PDE4D: variants seen among roughly 807,000 people sequenced by gnomAD.
The protein encoded by PDE4D is phosphodiesterase 4D.
PDE4D carries 24 observed loss-of-function variants against 87.4 expected under a neutral mutation model. The observed-to-expected ratio is 0.27, with a 90% CI of 0.20 to 0.39. The LOEUF (loss-of-function observed/expected upper bound fraction) is 0.39, where lower values mean the gene tolerates loss of function less well. Ranked by LOEUF, PDE4D falls within the 10% of genes least tolerant of loss-of-function variation. The pLI, the probability that PDE4D is intolerant of heterozygous loss-of-function variation, is 1.00. For synonymous variants in PDE4D, 384 were observed against 383.2 expected (o/e 1.00, Z -0.02); for missense variants, 714 against 1,041.0 (o/e 0.69, Z 4.32).
intron 5 of PDE4D, among the ~76,000 whole-genome samples, chr5:59,097,361 A>C (rs555547272): frequency 6.6e-6 from 1 of 152,218 alleles, no homozygotes; most frequent in African/African-American, 2.4e-5. Context: ...AGAGAAGTAC[A>C]ATACGAAGTT....
intron 1 of PDE4D, among the ~76,000 whole-genome samples, chr5:59,613,987 T>A (rs1829336394): frequency 6.6e-6 from 1 of 152,174 alleles, no homozygotes; most frequent in African/African-American, 2.4e-5. Flanking sequence ...TTTTCTTAAT[T>A]TTTTTACAAA....
At chr5:59,858,934 C>T (rs1389834948) in intron 1 of PDE4D, among the ~76,000 whole-genome samples, 3 of 152,058 alleles carry the variant, frequency 2.0e-5, no homozygotes, top group Non-Finnish European at 4.4e-5. Flanking sequence ...AACTACTATA[C>T]GCTGGTTGAT....
chr5:59,442,184 A>C (rs1166958092), intron 1 of PDE4D, among the ~76,000 whole-genome samples: 1 of 152,212 alleles, frequency 6.6e-6, no homozygotes, highest in Non-Finnish European at 1.5e-5. Context: ...GTGAGAGAGA[A>C]GTAAAAGAAA....
rs868087864 is a variant in PDE4D, at chr5:60,241,988, G to A, written c.-89-56301C>T. ...TTTTCAGTGAAACCTTAAAGACCAG[G>A]AGAGAGTGACATGACACATTTACAG... On this transcript the variant is annotated intron_variant, in intron 1 of 16. Coordinates refer to the PDE4D transcript ENST00000502484. Among the ~76,000 whole-genome samples, 5 of 152,208 alleles carry A rather than the reference G, an allele frequency of 3.3e-5. 1 individual carries two copies. In the Middle Eastern group the frequency reaches 0.014, roughly 414 times the overall value.
chr5:60,435,689 G>A (rs1265274316), intron 1 of PDE4D, among the ~76,000 whole-genome samples: 1 of 151,958 alleles, frequency 6.6e-6, no homozygotes, highest in Non-Finnish European at 1.5e-5. Flanking sequence ...GATTCAAGAA[G>A]ATGAATGTCT....
At chr5:59,121,281 GAAAAT>G (rs1342914571) in intron 5 of PDE4D, among the ~76,000 whole-genome samples, 4 of 152,106 alleles carry the variant, frequency 2.6e-5, no homozygotes, top group African/African-American at 7.2e-5. Context: ...TTAAATGGGA[GAAAAT>G]ATTTGCAAAC....
intron 1 of PDE4D, among the ~76,000 whole-genome samples, chr5:60,263,806 C>A (rs1749894764): frequency 6.6e-6 from 1 of 152,214 alleles, no homozygotes; most frequent in South Asian, 2.1e-4. Flanking sequence ...CTGTATAAGG[C>A]ACCCTGGAAA....
intron 6 of PDE4D, chr5:58,999,673 T>G: frequency 9.0e-7 from 1 of 1,116,810 alleles, no homozygotes. Flanking sequence ...TTTTTGGTAA[T>G]TAAGTATACA....
intron 2 of PDE4D, among the ~76,000 whole-genome samples, chr5:60,086,421 G>T (rs1391098848): frequency 6.6e-6 from 1 of 152,134 alleles, no homozygotes; most frequent in African/African-American, 2.4e-5. Context: ...TTAAGCATCA[G>T]TATTCTAGCC....
intron 1 of PDE4D, among the ~76,000 whole-genome samples, chr5:59,365,918 A>T (rs770992737): frequency 6.6e-6 from 1 of 152,222 alleles, no homozygotes; most frequent in African/African-American, 2.4e-5. Flanking sequence ...TAGGGCAATC[A>T]GTCCTGGAAT....
chr5:59,550,185 T>A (rs1469266661), intron 1 of PDE4D, among the ~76,000 whole-genome samples: 1 of 152,052 alleles, frequency 6.6e-6, no homozygotes, highest in Non-Finnish European at 1.5e-5. Context: ...ATAATGAAAA[T>A]CTACCATGTT....
At chr5:59,080,780 C>T (rs772003807) in intron 5 of PDE4D, among the ~76,000 whole-genome samples, 3 of 152,156 alleles carry the variant, frequency 2.0e-5, no homozygotes, top group Non-Finnish European at 2.9e-5. Context: ...ATGAGAAATG[C>T]TAAGCTTTCC....
intron 1 of PDE4D, among the ~76,000 whole-genome samples, chr5:60,330,604 G>T (rs111811080): frequency 6.6e-6 from 1 of 152,134 alleles, no homozygotes; most frequent in East Asian, 1.9e-4. Flanking sequence ...AAGCAGGGCC[G>T]CACCAACAGA....
At chr5:60,303,745 T>C (rs965952547) in intron 1 of PDE4D, among the ~76,000 whole-genome samples, 2 of 152,206 alleles carry the variant, frequency 1.3e-5, no homozygotes, top group Non-Finnish European at 2.9e-5. Context: ...CAGTGCTGTA[T>C]GGCAATGAAA....
intron 3 of PDE4D, among the ~76,000 whole-genome samples, chr5:59,966,571 G>A (rs755325411): frequency 2.0e-5 from 3 of 152,150 alleles, no homozygotes; most frequent in Non-Finnish European, 2.9e-5. Context: ...GCTAATCGAA[G>A]TAGTCATTTT....
intron 1 of PDE4D, among the ~76,000 whole-genome samples, chr5:59,482,699 G>T (rs969894608): frequency 6.6e-6 from 1 of 152,058 alleles, no homozygotes; most frequent in Admixed American, 6.6e-5. Context: ...AAAATTTTTT[G>T]ATTCTTGCTT....
intron 2 of PDE4D, among the ~76,000 whole-genome samples, chr5:60,062,658 A>T (rs763365548): frequency 2.0e-5 from 3 of 152,184 alleles, no homozygotes; most frequent in Non-Finnish European, 2.9e-5. Context: ...AAGACATAGA[A>T]CCAACCCAAA....
chr5:58,986,196 G>T (rs1165211601), intron 11 of PDE4D, among the ~76,000 whole-genome samples: 1 of 152,184 alleles, frequency 6.6e-6, no homozygotes, highest in East Asian at 1.9e-4. Context: ...TCCCAGGCAG[G>T]TCACCAGCAA....
At position 59,587,480 on chromosome 5, in the gene PDE4D, C is replaced by G. The variant is rs901977440; in HGVS notation, c.455+305688G>C. 6.1e-6 allele frequency: 6 copies of G among 985,320 alleles called. No homozygotes were observed. In the African/African-American group the frequency reaches 1.0e-4, roughly 17 times the overall value. 61.0% of individuals were successfully genotyped at this position (985,320 alleles called of 1,614,324 possible). ...GCATGCTTTTAAAACACAATGGCAA[C>G]AGGCTCCTGCTGGAGTCCCCCAGCG... On this transcript the variant is annotated intron_variant, in intron 1 of 14. Coordinates refer to ENST00000340635, the MANE Select transcript of PDE4D (RefSeq NM_001104631.2).
Sources: allele counts gnomAD v4.1 joint callset (sites outside exome capture counted in the v4.1 genomes callset), GRCh38; gene constraint gnomAD v4.1.1; transcripts MANE v1.5; gene names NCBI Gene and HGNC (gene_info 2026-07-23, HGNC 2026-07-21).